Variants in NCALD observed in about 807,000 individuals in gnomAD.
NCALD encodes the protein neurocalcin-delta.
In NCALD, 10 loss-of-function variants were observed where a neutral mutation model predicts 18.6. That is an observed-to-expected ratio of 0.54 (90% CI 0.33 to 0.91). NCALD has a LOEUF of 0.91. NCALD is among the 40% of genes least tolerant of loss of function. The probability of loss-of-function intolerance (pLI) is 0.03; values close to 1 mark genes in which losing one functional copy is unlikely to be tolerated. For synonymous variants in NCALD, 88 were observed against 87.4 expected (o/e 1.01, Z -0.04); for missense variants, 184 against 247.6 (o/e 0.74, Z 1.72).
At chr8:101,788,516 G>A (rs953443114) in intron 1 of NCALD, 4 of 152,116 alleles carry the variant, frequency 2.6e-5, no homozygotes, top group Admixed American at 1.3e-4. Flanking sequence ...TATAACTGCT[G>A]TTAGTTTGTA....
intron 2 of NCALD, among the ~76,000 whole-genome samples, chr8:101,940,837 A>G (rs541527518): frequency 3.3e-5 from 5 of 152,246 alleles, no homozygotes; most frequent in Non-Finnish European, 5.9e-5. Context: ...AGAACAGCTA[A>G]ATCTGCCCTT....
rs544506282 is a variant in NCALD, at chr8:101,719,912, G to A, written c.-19-264C>T. Reference sequence around the variant, plus strand: ...TACAGAGCCATCCTGAAAGCAAAAGGTTCAGAGAGAGCGTGAGGTAGAGGG... The same window carrying A: ...TACAGAGCCATCCTGAAAGCAAAAGATTCAGAGAGAGCGTGAGGTAGAGGG... On this transcript the variant is annotated intron_variant, in intron 1 of 3. Coordinates refer to ENST00000220931, the MANE Select transcript of NCALD (RefSeq NM_032041.3). 1.4e-4 allele frequency among the ~76,000 whole-genome samples: 22 copies of A among 152,308 alleles called. 1 individual carries two copies. In the South Asian group the frequency reaches 2.1e-3, roughly 14 times the overall value.
chr8:101,775,018 G>A (rs1320633850), intron 1 of NCALD, among the ~76,000 whole-genome samples: 2 of 152,116 alleles, frequency 1.3e-5, no homozygotes, highest in Non-Finnish European at 2.9e-5. Context: ...CCATCCTTAG[G>A]TTGCTCCTCA....
At chr8:101,932,928 A>C (rs1764978874) in intron 2 of NCALD, among the ~76,000 whole-genome samples, 1 of 152,208 alleles carries the variant, frequency 6.6e-6, no homozygotes, top group South Asian at 2.1e-4. Context: ...CACACACAAA[A>C]TTTAGAATTT....
At chr8:101,866,657 AC>A (rs1815782451) in intron 4 of NCALD, among the ~76,000 whole-genome samples, 1 of 151,984 alleles carries the variant, frequency 6.6e-6, no homozygotes, top group Non-Finnish European at 1.5e-5. Context: ...TTCTCCTTAC[AC>A]CCCAGCCAGA....
At chr8:101,944,117 G>A (rs184806087) in intron 2 of NCALD, among the ~76,000 whole-genome samples, 3 of 152,292 alleles carry the variant, frequency 2.0e-5, no homozygotes, top group East Asian at 3.9e-4. Flanking sequence ...GTGGAAGTGA[G>A]GATGACCATG....
intron 2 of NCALD, among the ~76,000 whole-genome samples, chr8:101,944,123 C>A (rs886220309): frequency 6.6e-6 from 1 of 152,090 alleles, no homozygotes; most frequent in African/African-American, 2.4e-5. Flanking sequence ...GTGAGGATGA[C>A]CATGTACCAG....
chr8:101,702,171 G>A (rs1815297874), intron 2 of NCALD, among the ~76,000 whole-genome samples: 1 of 151,830 alleles, frequency 6.6e-6, no homozygotes, highest in Admixed American at 6.6e-5. Context: ...TTTTGCTGCT[G>A]AAAATGGAGT....
chr8:102,019,722 T>A (rs556675950), intron 2 of NCALD, among the ~76,000 whole-genome samples: 1 of 152,248 alleles, frequency 6.6e-6, no homozygotes, highest in Non-Finnish European at 1.5e-5. Flanking sequence ...AGATAACACA[T>A]CATTACGAAG....
intron 4 of NCALD, among the ~76,000 whole-genome samples, chr8:101,853,683 G>A (rs151122501): frequency 7.2e-5 from 11 of 152,278 alleles, no homozygotes; most frequent in African/African-American, 2.2e-4. Context: ...AGGCCGGGGT[G>A]GGGGAGTCCA....
At chr8:101,933,412 C>G (rs1818648163) in intron 2 of NCALD, among the ~76,000 whole-genome samples, 1 of 152,168 alleles carries the variant, frequency 6.6e-6, no homozygotes, top group Non-Finnish European at 1.5e-5. Flanking sequence ...CTGACAAAGG[C>G]CAGGAAATGA....
At chr8:101,936,796 C>T (rs1187258842) in intron 2 of NCALD, among the ~76,000 whole-genome samples, 1 of 152,126 alleles carries the variant, frequency 6.6e-6, no homozygotes, top group Non-Finnish European at 1.5e-5. Flanking sequence ...AAATCTACCA[C>T]GATATAGTGT....
At chr8:101,909,867 C>A (rs1817731308) in intron 3 of NCALD, among the ~76,000 whole-genome samples, 1 of 151,960 alleles carries the variant, frequency 6.6e-6, no homozygotes, top group South Asian at 2.1e-4. Flanking sequence ...TTAATAGTTC[C>A]TAGACAGGGT....
At chr8:101,723,947 T>G (rs1754824316) in intron 1 of NCALD, among the ~76,000 whole-genome samples, 1 of 152,212 alleles carries the variant, frequency 6.6e-6, no homozygotes, top group East Asian at 1.9e-4. Flanking sequence ...ACATTTTTCT[T>G]AAGTAACACT....
At chr8:101,768,305 A>T (rs1811433428) in intron 1 of NCALD, among the ~76,000 whole-genome samples, 1 of 152,228 alleles carries the variant, frequency 6.6e-6, no homozygotes, top group South Asian at 2.1e-4. Flanking sequence ...TCTCACAGGA[A>T]GTCTGGCTGC....
chr8:101,967,133 A>G (rs1475185149), intron 2 of NCALD, among the ~76,000 whole-genome samples: 1 of 152,152 alleles, frequency 6.6e-6, no homozygotes, highest in Non-Finnish European at 1.5e-5. Context: ...CTAAATTCAA[A>G]TTATTTTCAT....
intron 2 of NCALD, among the ~76,000 whole-genome samples, chr8:101,698,945 G>A (rs1263164783): frequency 6.6e-6 from 1 of 152,100 alleles, no homozygotes; most frequent in African/African-American, 2.4e-5. Context: ...AAACCAAAGA[G>A]CTTCTGCACA....
intron 1 of NCALD, among the ~76,000 whole-genome samples, chr8:102,055,694 G>A (rs1401462019): frequency 6.6e-6 from 1 of 152,170 alleles, no homozygotes; most frequent in Non-Finnish European, 1.5e-5. Context: ...TCAGTCATTA[G>A]GCAGTTGGTA....
intron 2 of NCALD, among the ~76,000 whole-genome samples, chr8:101,702,572 G>T (rs1815318039): frequency 6.6e-6 from 1 of 152,184 alleles, no homozygotes; most frequent in African/African-American, 2.4e-5. Context: ...TCCAAGATCT[G>T]TACACTGTAC....
Sources: gnomAD v4.1 joint callset for allele counts (sites outside exome capture counted in the v4.1 genomes callset) on GRCh38, gnomAD v4.1.1 for gene constraint, MANE v1.5 for transcripts, NCBI Gene and HGNC (gene_info 2026-07-23, HGNC 2026-07-21) for gene names.